HCRTR2: variants seen among roughly 807,000 people sequenced by gnomAD.
HCRTR2 encodes the protein orexin receptor type 2.
In HCRTR2, 22 loss-of-function variants were observed where a neutral mutation model predicts 49.0. That is an observed-to-expected ratio of 0.45 (90% CI 0.32 to 0.64). The LOEUF (loss-of-function observed/expected upper bound fraction) is 0.64, where lower values mean the gene tolerates loss of function less well. Among genes scored for constraint, HCRTR2 ranks in the 30% least tolerant of loss-of-function variants. The pLI is 0.04. For synonymous variants in HCRTR2, 236 were observed against 205.3 expected (o/e 1.15, Z -1.28); for missense variants, 491 against 559.4 (o/e 0.88, Z 1.23).
intron 1 of HCRTR2, among the ~76,000 whole-genome samples, chr6:55,167,280 A>G (rs903388887): frequency 6.6e-6 from 1 of 152,226 alleles, no homozygotes; most frequent in African/African-American, 2.4e-5. Context: ...GTATTGGAGT[A>G]AAAGCATGTC....
chr6:55,237,138 C>T (rs1581847538), intron 1 of HCRTR2, among the ~76,000 whole-genome samples: 1 of 151,488 alleles, frequency 6.6e-6, no homozygotes, highest in Admixed American at 6.6e-5. Flanking sequence ...CTATAATTTC[C>T]TTGGACTATT....
chr6:55,138,512 C>T (rs1263028104), intron 1 of HCRTR2, among the ~76,000 whole-genome samples: 1 of 152,186 alleles, frequency 6.6e-6, no homozygotes, highest in Non-Finnish European at 1.5e-5. Flanking sequence ...ATGCTGCTTG[C>T]CACGGTAGTC....
intron 1 of HCRTR2, among the ~76,000 whole-genome samples, chr6:55,191,679 A>G (rs760259267): frequency 9.2e-5 from 14 of 152,196 alleles, no homozygotes; most frequent in Non-Finnish European, 2.1e-4. Context: ...TTCAGCAACA[A>G]TATTGAAGAT....
chr6:55,120,732 A>T (rs751008069), intron 1 of HCRTR2, among the ~76,000 whole-genome samples: 5 of 151,954 alleles, frequency 3.3e-5, no homozygotes, highest in Admixed American at 6.6e-5. Context: ...TTTCTATTTG[A>T]ATACCATTTA....
Position 55,174,552 on chromosome 6 carries a change from C to T in HCRTR2, c.-36C>T, listed in dbSNP as rs200811575. 1 of 1,546,326 alleles carries T rather than the reference C, an allele frequency of 6.5e-7. No homozygotes were observed. The highest frequency in any genetic ancestry group is 8.9e-7 in the Non-Finnish European group (1 of 1,118,402). ...TGCTCATGGGGCAGGCGGAGAGGAGCTTGCAGCATTGAGCGGAACCGGACT... is the reference window on the plus strand; with the variant it reads ...TGCTCATGGGGCAGGCGGAGAGGAGTTTGCAGCATTGAGCGGAACCGGACT... On this transcript the variant is annotated 5_prime_UTR_variant, in exon 1 of 7. Transcript: ENST00000370862.
At chr6:55,222,759 G>A (rs1234583597) in intron 1 of HCRTR2, among the ~76,000 whole-genome samples, 2 of 152,162 alleles carry the variant, frequency 1.3e-5, no homozygotes, top group African/African-American at 4.8e-5. Context: ...AAGCAGAACG[G>A]CAGCTGCCAG....
chr6:55,155,091 G>A (rs1764713034), intron 1 of HCRTR2, among the ~76,000 whole-genome samples: 1 of 151,696 alleles, frequency 6.6e-6, no homozygotes, highest in Non-Finnish European at 1.5e-5. Flanking sequence ...TACAATAAAT[G>A]GAAGATATTC....
At chr6:55,200,288 G>A (rs937599162) in intron 1 of HCRTR2, among the ~76,000 whole-genome samples, 4 of 123,110 alleles carry the variant, frequency 3.2e-5, no homozygotes, top group African/African-American at 5.9e-5. Context: ...TTTTTGAAAC[G>A]GAGTCTTGCT....
In HCRTR2 at chr6:55,252,173, T is replaced by C. The variant is rs185616394; in HGVS notation, c.403-2963T>C. Among the ~76,000 whole-genome samples, 387 of 152,210 alleles carry C rather than the reference T, an allele frequency of 2.5e-3. 5 individuals carry two copies. Among genetic ancestry groups the C allele is most frequent in the Non-Finnish European group, 2.8e-4 (19 of 68,008 alleles). ...CACTGATTGTCAAGGGTTCATTCAATGGATTGGTTCATTCTACTGTTAGAT... is the reference window on the plus strand; with the variant it reads ...CACTGATTGTCAAGGGTTCATTCAACGGATTGGTTCATTCTACTGTTAGAT... On this transcript the variant is annotated intron_variant, in intron 2 of 6. Transcript: ENST00000370862.
chr6:55,245,422 C>G (rs113932280), intron 1 of HCRTR2, among the ~76,000 whole-genome samples: 3 of 133,962 alleles, frequency 2.2e-5, no homozygotes, highest in African/African-American at 8.4e-5. Flanking sequence ...CATAGGAATA[C>G]ATACATGTAT....
intron 6 of HCRTR2, 114 bp from the exon 7 acceptor site, chr6:55,282,111 T>C: frequency 1.3e-6 from 1 of 755,558 alleles, no homozygotes; most frequent in Non-Finnish European, 2.3e-6. Flanking sequence ...CTTTGCAAAA[T>C]ATTACACCTC....
At position 55,189,110 on chromosome 6, in the gene HCRTR2, T is replaced by A. The variant is rs147895342; in HGVS notation, c.223+14300T>A. 3.7e-3 allele frequency among the ~76,000 whole-genome samples: 569 copies of A among 152,320 alleles called. 5 individuals carry two copies. The highest frequency in any genetic ancestry group is 0.013 in the African/African-American group (544 of 41,574). On this transcript the variant is annotated intron_variant, in intron 1 of 6. Transcript: ENST00000370862. ...TAATCTCCTCTACTGCTTTCAATTG[T>A]TTTTGTGGCCTTCTTTATTTTGTGG...
chr6:55,144,091 C>T (rs773866048), intron 1 of HCRTR2, among the ~76,000 whole-genome samples: 22 of 141,442 alleles, frequency 1.6e-4, no homozygotes, highest in Non-Finnish European at 2.7e-4. Flanking sequence ...CATTCTTTCC[C>T]GTCCTGCCTT....
At chr6:55,214,298 C>A (rs1765748436) in intron 1 of HCRTR2, among the ~76,000 whole-genome samples, 1 of 152,074 alleles carries the variant, frequency 6.6e-6, no homozygotes, top group Admixed American at 6.6e-5. Flanking sequence ...TCAAGCTAGT[C>A]CCTAAAGACT....
intron 4 of HCRTR2, among the ~76,000 whole-genome samples, chr6:55,273,969 C>T (rs1767024111): frequency 6.7e-6 from 1 of 149,752 alleles, no homozygotes; most frequent in South Asian, 2.3e-4. Context: ...ATAAGTCTTG[C>T]AACCAAAGTT....
At chr6:55,133,451 G>A (rs1159860327) in intron 1 of HCRTR2, among the ~76,000 whole-genome samples, 2 of 151,544 alleles carry the variant, frequency 1.3e-5, no homozygotes, top group African/African-American at 4.8e-5. Flanking sequence ...ATCAAGTTAG[G>A]AATAACAAAT....
intron 1 of HCRTR2, among the ~76,000 whole-genome samples, chr6:55,165,327 A>G (rs1315880681): frequency 1.3e-5 from 2 of 152,108 alleles, no homozygotes; most frequent in Non-Finnish European, 2.9e-5. Flanking sequence ...TTCAGATTTA[A>G]CCCAAAGAAG....
intron 1 of HCRTR2, among the ~76,000 whole-genome samples, chr6:55,158,868 G>A (rs1408202527): frequency 6.6e-6 from 1 of 152,224 alleles, no homozygotes; most frequent in East Asian, 1.9e-4. Flanking sequence ...AGGGGCAGCT[G>A]TGGGTGCAGC....
At chr6:55,107,393 T>C (rs949692782) in intron 1 of HCRTR2, among the ~76,000 whole-genome samples, 2 of 152,126 alleles carry the variant, frequency 1.3e-5, no homozygotes, top group African/African-American at 4.8e-5. Flanking sequence ...AGATAATCCA[T>C]ACATTTATGA....
Sources: gnomAD v4.1 joint callset for allele counts (sites outside exome capture counted in the v4.1 genomes callset) on GRCh38, gnomAD v4.1.1 for gene constraint, MANE v1.5 for transcripts, NCBI Gene and HGNC (gene_info 2026-07-23, HGNC 2026-07-21) for gene names.